VBP1: variants seen among roughly 807,000 people sequenced by gnomAD.
VBP1 encodes the protein VHL binding protein 1, also known as prefoldin subunit 3.
VBP1 carries 4 observed loss-of-function variants against 15.5 expected under a neutral mutation model. The ratio of observed to expected loss-of-function variants is 0.26; its 90% CI spans 0.13 to 0.59. The LOEUF (loss-of-function observed/expected upper bound fraction) is 0.59. VBP1 is among the 20% of genes least tolerant of loss of function. VBP1 has a pLI of 0.90. For synonymous variants in VBP1, 61 were observed against 52.1 expected (o/e 1.17, Z -0.74); for missense variants, 108 against 139.6 (o/e 0.77, Z 1.14).
At chrX:155,219,586 C>T (rs2074679334) in intron 1 of VBP1, among the ~76,000 whole-genome samples, 2 of 111,572 alleles carry the variant, frequency 1.8e-5, no homozygotes, top group Admixed American at 9.5e-5. Flanking sequence ...TCTTGACATG[C>T]AACCTGTAAA....
chrX:155,224,511 A>G lies in VBP1; in HGVS notation c.219-2724A>G, dbSNP rs2074710269. 4.4e-5 allele frequency among the ~76,000 whole-genome samples: 5 copies of G among 112,389 alleles called. No individual in the cohort carries two copies. The South Asian group carries it at 1.8e-3, about 41-fold the overall frequency. ...CAGGCACTCGGCAGGCTGAGGCAGG[A>G]GAATCAGTCAGGGAGGTTGCAGTGA... On this transcript the variant is annotated intron_variant, in intron 2 of 5. Coordinates refer to ENST00000286428, the MANE Select transcript of VBP1 (RefSeq NM_003372.7).
chrX:155,230,430 T>A (rs781851444), intron 4 of VBP1, among the ~76,000 whole-genome samples: 10 of 111,672 alleles, frequency 9.0e-5, no homozygotes, highest in African/African-American at 1.3e-4. Flanking sequence ...GGGTTAAAAC[T>A]TAAATGTATC....
At chrX:155,229,407 GAT>G (rs782629832) in intron 4 of VBP1, among the ~76,000 whole-genome samples, 1 of 112,549 alleles carries the variant, frequency 8.9e-6, no homozygotes, top group Admixed American at 9.4e-5. Flanking sequence ...TTTCAGGAAA[GAT>G]AATTTCTGTT....
intron 1 of VBP1, among the ~76,000 whole-genome samples, chrX:155,200,425 C>T (rs1373041988): frequency 1.7e-4 from 19 of 110,639 alleles, no homozygotes; most frequent in Non-Finnish European, 2.8e-4. Flanking sequence ...GACCACAGTG[C>T]AGTCAAACTA....
At chrX:155,198,502 C>A (rs1183498159) in intron 1 of VBP1, among the ~76,000 whole-genome samples, 2 of 111,772 alleles carry the variant, frequency 1.8e-5, no homozygotes, top group East Asian at 5.6e-4. Flanking sequence ...CAAACAGGGT[C>A]TGGAGTGGAC....
At chrX:155,228,848 C>T (rs1465866482) in intron 4 of VBP1, among the ~76,000 whole-genome samples, 3 of 112,185 alleles carry the variant, frequency 2.7e-5, no homozygotes, top group Non-Finnish European at 3.8e-5. Flanking sequence ...TTTAGATAAA[C>T]GCTTCTTCCC....
At position 155,238,802 on chromosome X, in the gene VBP1, AAAG is replaced by A; in HGVS notation, c.560_562del (p.Arg187del). The stretch of plus-strand genomic sequence containing the variant: ...GCCAGGGTTTATAATTGGGATGTAA[AAAG>A]AAGAAACAAGGATGACTCTACCAAG... On this transcript the variant is annotated inframe_deletion, in exon 6 of 6. Transcript: ENST00000286428. 8.3e-7 allele frequency: 1 copy of A among 1,206,979 alleles called. No homozygotes were observed. Among genetic ancestry groups the A allele is most frequent in the East Asian group, 3.0e-5 (1 of 33,473 alleles).
At chrX:155,229,581 C>G (rs1279704800) in intron 4 of VBP1, among the ~76,000 whole-genome samples, 1 of 112,083 alleles carries the variant, frequency 8.9e-6, no homozygotes, top group Non-Finnish European at 1.9e-5. Flanking sequence ...TGGCTGCTTC[C>G]CCATGACTTT....
At chrX:155,236,652 T>A (rs1357763909) in intron 5 of VBP1, among the ~76,000 whole-genome samples, 1 of 112,375 alleles carries the variant, frequency 8.9e-6, no homozygotes, top group Non-Finnish European at 1.9e-5. Flanking sequence ...AATTTCCTTA[T>A]TAGGCTAATA....
intron 5 of VBP1, among the ~76,000 whole-genome samples, chrX:155,238,534 C>A (rs1274822530): frequency 2.7e-5 from 3 of 111,891 alleles, no homozygotes; most frequent in African/African-American, 9.8e-5. Flanking sequence ...TTGACTAATA[C>A]CATAGTAAAC....
At chrX:155,224,127 C>A (rs1370119116) in intron 2 of VBP1, among the ~76,000 whole-genome samples, 3 of 106,445 alleles carry the variant, frequency 2.8e-5, no homozygotes, top group African/African-American at 1.0e-4. Flanking sequence ...AGTGGGCGGC[C>A]GGGCAGAGGG....
chrX:155,230,498 C>T (rs1346909085), intron 4 of VBP1, among the ~76,000 whole-genome samples: 2 of 111,344 alleles, frequency 1.8e-5, no homozygotes, highest in Admixed American at 1.9e-4. Flanking sequence ...CTTGCTTCTG[C>T]CCTTGCTGGA....
chrX:155,220,427 C>T lies in VBP1; in HGVS notation c.218+120C>T, dbSNP rs1441930516. 1.7e-5 allele frequency: 10 copies of T among 605,024 alleles called. No individual in the cohort carries two copies. The East Asian group carries it at 4.0e-4, about 24-fold the overall frequency. The allele number at this position is 605,024 out of a possible 1,213,427, so 49.9% of individuals were successfully genotyped here. On this transcript the variant is annotated intron_variant, in intron 2 of 5. Transcript: ENST00000286428. ...TCAAGTGTTCAGTCCTCCAAGGTGG[C>T]TGTACCATATGAAATTCCCACCAGC...
At chrX:155,222,044 C>A (rs2074691800) in intron 2 of VBP1, among the ~76,000 whole-genome samples, 1 of 112,666 alleles carries the variant, frequency 8.9e-6, no homozygotes, top group Admixed American at 9.3e-5. Context: ...TAGAATATGG[C>A]ATTTTTCTTG....
intron 1 of VBP1, chrX:155,208,813 T>G (rs1347095023): frequency 5.1e-5 from 37 of 719,228 alleles, no homozygotes; most frequent in Non-Finnish European, 7.4e-5. Flanking sequence ...TACTATTGTA[T>G]TAGGAGAGCA....
At chrX:155,225,999 G>A (rs2074718048) in intron 2 of VBP1, among the ~76,000 whole-genome samples, 1 of 112,026 alleles carries the variant, frequency 8.9e-6, no homozygotes. Flanking sequence ...CACACATGGA[G>A]TGACTTCTTT....
Position 155,199,889 on chromosome X carries a change from G to A in VBP1, c.-31+2750G>A, listed in dbSNP as rs2074595032. Among the ~76,000 whole-genome samples the A allele has an allele frequency of 8.1e-5, 9 of 111,656 alleles. No homozygotes were observed. In the South Asian group the frequency reaches 3.3e-3, roughly 41 times the overall value. The stretch of plus-strand genomic sequence containing the variant: ...ATCTCTTGTGCAGAGACACACATAG[G>A]CTCAAAATAAAAGGATGGAGGAAGA... On this transcript the variant is annotated intron_variant, in intron 1 of 6. Coordinates refer to the VBP1 transcript ENST00000535916.
At chrX:155,200,553 A>G (rs1181565611) in intron 1 of VBP1, among the ~76,000 whole-genome samples, 11 of 109,994 alleles carry the variant, frequency 1.0e-4, no homozygotes, top group African/African-American at 3.0e-4. Flanking sequence ...GATGTTCTTT[A>G]AAACCAACGA....
At chrX:155,201,359 C>T (rs1557307423) in intron 1 of VBP1, among the ~76,000 whole-genome samples, 2 of 103,404 alleles carry the variant, frequency 1.9e-5, no homozygotes, top group East Asian at 6.0e-4. Flanking sequence ...CAAAAATCCT[C>T]AATAAAATAC....
Sources: gnomAD v4.1 joint callset for allele counts (sites outside exome capture counted in the v4.1 genomes callset) on GRCh38, gnomAD v4.1.1 for gene constraint, MANE v1.5 for transcripts, NCBI Gene and HGNC (gene_info 2026-07-23, HGNC 2026-07-21) for gene names.